VTI1A: variants seen among roughly 807,000 people sequenced by gnomAD.
VTI1A encodes the protein vesicle transport through interaction with t-SNAREs 1A.
In VTI1A, 22 loss-of-function variants were observed where a neutral mutation model predicts 34.9. That is an observed-to-expected ratio of 0.63 (90% CI 0.45 to 0.90). VTI1A has a LOEUF of 0.90. Among genes scored for constraint, VTI1A ranks in the 40% least tolerant of loss-of-function variants. The probability of loss-of-function intolerance (pLI) is 0.00; values close to 1 mark genes in which losing one functional copy is unlikely to be tolerated. For synonymous variants in VTI1A, 87 were observed against 97.3 expected (o/e 0.89, Z 0.62); for missense variants, 268 against 275.6 (o/e 0.97, Z 0.20).
rs146155388 is a variant in VTI1A, at chr10:112,737,662, A to G, written c.560+68664A>G. 3.0e-4 allele frequency: 312 copies of G among 1,053,372 alleles called. 3 individuals are homozygous for G. In the East Asian group the frequency reaches 0.014, roughly 47 times the overall value. 65.3% of individuals were successfully genotyped at this position (1,053,372 alleles called of 1,614,324 possible). ...CACAGGGGTACCTCAAAAATAGAAC[A>G]AGAGCACTCCATCCATGTGCGGATG... On this transcript the variant is annotated intron_variant, in intron 7 of 7. Coordinates refer to ENST00000393077, the MANE Select transcript of VTI1A (RefSeq NM_145206.4).
rs543957751 is a variant in VTI1A at position 112,664,627 on chromosome 10, A to G, written c.428-3591A>G. Among the ~76,000 whole-genome samples the G allele has an allele frequency of 1.1e-4, 17 of 152,330 alleles. No homozygotes were observed. The East Asian group carries it at 2.3e-3, about 21-fold the overall frequency. On this transcript the variant is annotated intron_variant, in intron 5 of 7. Transcript: ENST00000393077. Reference sequence around the variant, plus strand: ...GGAAAGTATTCAATGGCTATTGTGTATATCTTCCAAAAGATTGAAAAGTAA... The same window carrying G: ...GGAAAGTATTCAATGGCTATTGTGTGTATCTTCCAAAAGATTGAAAAGTAA...
chr10:112,582,731 T>G (rs1244830084), intron 5 of VTI1A, among the ~76,000 whole-genome samples: 1 of 152,170 alleles, frequency 6.6e-6, no homozygotes, highest in Non-Finnish European at 1.5e-5. Context: ...TGATGCCATC[T>G]TATACTTGAT....
chr10:112,669,528 A>G (rs1405521226), intron 7 of VTI1A, among the ~76,000 whole-genome samples: 1 of 152,218 alleles, frequency 6.6e-6, no homozygotes, highest in Non-Finnish European at 1.5e-5. Context: ...CATGTTTTAT[A>G]TGTGTAACTC....
At chr10:112,668,191 T>C in intron 5 of VTI1A, 27 bp from the exon 6 acceptor site, 1 of 1,605,926 alleles carries the variant, frequency 6.2e-7, no homozygotes, top group Non-Finnish European at 8.5e-7. Context: ...AAGTCATTTT[T>C]CCTCACTCAA....
intron 3 of VTI1A, among the ~76,000 whole-genome samples, chr10:112,466,860 A>C (rs1475161147): frequency 6.6e-6 from 1 of 152,192 alleles, no homozygotes; most frequent in African/African-American, 2.4e-5. Context: ...AGGTGTTGGC[A>C]GGTGTGGTTC....
At chr10:112,557,105 T>C (rs1243101501) in intron 5 of VTI1A, among the ~76,000 whole-genome samples, 1 of 152,128 alleles carries the variant, frequency 6.6e-6, no homozygotes, top group East Asian at 1.9e-4. Context: ...AAGAAAAGCT[T>C]TCCACAGGGG....
Position 112,498,458 on chromosome 10 carries a change from G to GCCA in VTI1A, c.265-28619_265-28617dup, listed in dbSNP as rs983154989. Among the ~76,000 whole-genome samples the GCCA allele has an allele frequency of 1.6e-4, 24 of 151,678 alleles. No homozygotes were observed. The South Asian group carries it at 4.6e-3, about 29-fold the overall frequency. On this transcript the variant is annotated intron_variant, in intron 3 of 7. Coordinates refer to ENST00000393077, the MANE Select transcript of VTI1A (RefSeq NM_145206.4). Reference sequence around the variant, plus strand: ...ATGGTAAACTAATCTCCTCATCGCCGCCACCACCACCAAATGAGCTCAATG... The same window carrying GCCA: ...ATGGTAAACTAATCTCCTCATCGCCGCCACCACCACCACCAAATGAGCTCAATG...
chr10:112,768,273 C>T (rs143101783), intron 7 of VTI1A, among the ~76,000 whole-genome samples: 107 of 152,288 alleles, frequency 7.0e-4, no homozygotes, highest in African/African-American at 2.0e-3. Flanking sequence ...GCCTCTGCCA[C>T]CCTGGAAATG....
chr10:112,680,232 G>A (rs1008517507), intron 7 of VTI1A, among the ~76,000 whole-genome samples: 3 of 152,214 alleles, frequency 2.0e-5, no homozygotes, highest in East Asian at 1.9e-4. Flanking sequence ...TCAAAAGTAC[G>A]TCCTTAAAGA....
chr10:112,845,143 G>A, the VTI1A span, among the ~76,000 whole-genome samples: 2 of 152,236 alleles, frequency 1.3e-5, no homozygotes, highest in East Asian at 3.9e-4. Context: ...CTGGGAGGGC[G>A]TGTTTGAAGA....
intron 5 of VTI1A, among the ~76,000 whole-genome samples, chr10:112,642,421 T>C (rs1846608895): frequency 6.6e-6 from 1 of 152,186 alleles, no homozygotes; most frequent in East Asian, 1.9e-4. Flanking sequence ...GACGGGTTAG[T>C]AAGAGAAAGA....
In VTI1A at chr10:112,793,334, T is replaced by C. The variant is rs530749594; in HGVS notation, c.561-21956T>C. On this transcript the variant is annotated intron_variant, in intron 7 of 7. Coordinates refer to ENST00000393077, the MANE Select transcript of VTI1A (RefSeq NM_145206.4). The stretch of plus-strand genomic sequence containing the variant: ...TTATGGGCTCTGGCCTTGATTCAAG[T>C]TGAAATGTTGGCATTTCCTATCAGT... 2.0e-5 allele frequency among the ~76,000 whole-genome samples: 3 copies of C among 152,340 alleles called. No homozygotes were observed. In the East Asian group the frequency reaches 5.8e-4, roughly 29 times the overall value.
intron 7 of VTI1A, among the ~76,000 whole-genome samples, chr10:112,804,746 C>G (rs1853006819): frequency 6.6e-6 from 1 of 151,942 alleles, no homozygotes; most frequent in Non-Finnish European, 1.5e-5. Context: ...CTTTGTTCTT[C>G]AGAAGGACTT....
At chr10:112,527,268 A>C in intron 4 of VTI1A, 104 bp downstream of exon 4, 7 of 911,312 alleles carry the variant, frequency 7.7e-6, no homozygotes, top group African/African-American at 1.7e-5. Context: ...GCAGCAACTC[A>C]TGTGGAAGCG....
At chr10:112,627,380 G>T (rs901802681) in intron 5 of VTI1A, among the ~76,000 whole-genome samples, 12 of 152,106 alleles carry the variant, frequency 7.9e-5, no homozygotes, top group African/African-American at 2.7e-4. Flanking sequence ...TATAGGTTCA[G>T]CAAACCCTAG....
At chr10:112,659,178 G>A (rs576553216) in intron 5 of VTI1A, among the ~76,000 whole-genome samples, 5 of 152,186 alleles carry the variant, frequency 3.3e-5, no homozygotes, top group African/African-American at 9.6e-5. Flanking sequence ...CGCTGAACAC[G>A]TCTCCCTTGT....
At chr10:112,792,403 C>T (rs186240072) in intron 7 of VTI1A, among the ~76,000 whole-genome samples, 1 of 152,164 alleles carries the variant, frequency 6.6e-6, no homozygotes, top group Admixed American at 6.5e-5. Context: ...GCAGAAAGTG[C>T]TCTGCCTGAG....
At chr10:112,765,985 T>G (rs1008273746) in intron 7 of VTI1A, among the ~76,000 whole-genome samples, 1 of 152,164 alleles carries the variant, frequency 6.6e-6, no homozygotes, top group African/African-American at 2.4e-5. Flanking sequence ...ATGAAGGCAT[T>G]ACCTAGATGC....
At chr10:112,656,317 A>G (rs545578900) in intron 5 of VTI1A, among the ~76,000 whole-genome samples, 1 of 151,920 alleles carries the variant, frequency 6.6e-6, no homozygotes, top group Non-Finnish European at 1.5e-5. Context: ...AGATAAATGA[A>G]TAGAAGAAAT....
Sources: gnomAD v4.1 joint callset for allele counts (sites outside exome capture counted in the v4.1 genomes callset) on GRCh38, gnomAD v4.1.1 for gene constraint, MANE v1.5 for transcripts, NCBI Gene and HGNC (gene_info 2026-07-23, HGNC 2026-07-21) for gene names.